Variants in HEXD observed in about 807,000 individuals in gnomAD.
HEXD encodes hexosaminidase D.
Under a neutral mutation model 54.2 loss-of-function variants are expected in HEXD, and 47 were observed. The observed-to-expected ratio is 0.87, with a 90% CI of 0.69 to 1.11. The LOEUF (loss-of-function observed/expected upper bound fraction) is 1.11, where lower values mean the gene tolerates loss of function less well. Among genes scored for constraint, HEXD ranks in the 50% least tolerant of loss-of-function variants. HEXD has a pLI of 0.00. For missense variants in HEXD, 576 were observed against 649.2 expected (o/e 0.89, Z 1.23); for synonymous variants, 293 against 287.6 (o/e 1.02, Z -0.19).
chr17:82,441,175 G>A lies in HEXD; in HGVS notation c.1072G>A (p.Gly358Ser), dbSNP rs780250433. Reference sequence around the variant, plus strand: ...CAGGGCTCTCCGCAGGGAGGGGGCCGGCTCCTTCCCTGGCAGCAACATCCT... The same window carrying A: ...CAGGGCTCTCCGCAGGGAGGGGGCCAGCTCCTTCCCTGGCAGCAACATCCT... ...EKTDPVREGAGSFPGSNILAL... is the reference protein window; with the variant it reads ...EKTDPVREGASSFPGSNILAL... Residue 358 changes from glycine (G) to serine (S), a missense_variant, in exon 11 of 13, where the codon GGC (glycine) becomes AGC (serine). Transcript: ENST00000327949. 17 of 1,613,092 alleles carry A rather than the reference G, an allele frequency of 1.1e-5. No individual in the cohort carries two copies. Among genetic ancestry groups the A allele is most frequent in the East Asian group, 4.5e-5 (2 of 44,896 alleles).
chr17:82,439,919 G>A, intron 9 of HEXD: 1 of 1,522,930 alleles, frequency 6.6e-7, no homozygotes, highest in Non-Finnish European at 8.8e-7. Context: ...CCAGGCCTAA[G>A]CCCAAAGCAG....
intron 6 of HEXD, 100 bp from the exon 7 acceptor site, chr17:82,436,567 T>C: frequency 1.1e-6 from 1 of 910,796 alleles, no homozygotes; most frequent in South Asian, 1.6e-5. Context: ...TAAAAAGGTA[T>C]CTGTGCTCAC....
At chr17:82,437,105 C>G in intron 7 of HEXD, 63 bp from the exon 8 acceptor site, 2 of 1,397,806 alleles carry the variant, frequency 1.4e-6, no homozygotes, top group South Asian at 2.7e-5. Flanking sequence ...CCCCGGGAGG[C>G]GTGTCCAGGG....
At chr17:82,433,563 A>G in intron 4 of HEXD, 95 bp from the exon 5 acceptor site, 2 of 1,298,712 alleles carry the variant, frequency 1.5e-6, no homozygotes, top group Non-Finnish European at 2.1e-6. Context: ...ATTTTTTTGT[A>G]TTATCTGTAG....
At chr17:82,429,461 G>A (rs55881915) in intron 4 of HEXD, among the ~76,000 whole-genome samples, 2,312 of 152,110 alleles carry the variant, frequency 0.015, 31 homozygotes, top group Middle Eastern at 0.051. Flanking sequence ...GCGTGCCACC[G>A]GAGTTCCTTC....
intron 2 of HEXD, among the ~76,000 whole-genome samples, chr17:82,420,774 G>A (rs1267910635): frequency 6.6e-6 from 1 of 152,094 alleles, no homozygotes; most frequent in African/African-American, 2.4e-5. Flanking sequence ...CACCACATTG[G>A]CCAGGCTGGT....
intron 9 of HEXD, 92 bp from the exon 10 acceptor site, chr17:82,440,905 A>G (rs1289108610): frequency 1.4e-6 from 2 of 1,430,166 alleles, no homozygotes; most frequent in East Asian, 4.6e-5. Flanking sequence ...CCGCCCGCCC[A>G]CTGCCCCAGT....
chr17:82,433,089 AAAATATATAT>A (rs1214676580), intron 4 of HEXD, among the ~76,000 whole-genome samples: 1 of 15,070 alleles, frequency 6.6e-5, no homozygotes, highest in Non-Finnish European at 9.4e-5. Flanking sequence ...AAAAAAAAAA[AAAATATATAT>A]ATATATATAT....
At chr17:82,421,061 G>A (rs2053221525) in intron 2 of HEXD, among the ~76,000 whole-genome samples, 1 of 152,264 alleles carries the variant, frequency 6.6e-6, no homozygotes, top group South Asian at 2.1e-4. Context: ...CTCCAACAGT[G>A]CTATGACCAG....
intron 2 of HEXD, among the ~76,000 whole-genome samples, chr17:82,422,362 C>G (rs190223265): frequency 6.6e-6 from 1 of 151,062 alleles, no homozygotes; most frequent in Non-Finnish European, 1.5e-5. Flanking sequence ...CCAGGCTCAG[C>G]GGCTCACAAC....
chr17:82,437,139 G>C (rs754576188), intron 7 of HEXD, 29 bp from the exon 8 acceptor site: 6 of 1,548,604 alleles, frequency 3.9e-6, no homozygotes, highest in Non-Finnish European at 5.3e-6. Context: ...CTCCCCTGGA[G>C]CCACTCACCT....
Position 82,437,268 on chromosome 17 carries a change from T to C in HEXD, c.804T>C (p.Val268=). The change falls in exon 8 of 13, where the codon GTT becomes GTC. Residue 268 remains valine, a synonymous_variant. Coordinates refer to ENST00000327949, the MANE Select transcript of HEXD (RefSeq NM_001330542.2). ...GGCCCAGCCAGGCCGTGCCCCCTGTTGAGCACCACCTCAGGAACCACGTGC... is the reference window on the plus strand; with the variant it reads ...GGCCCAGCCAGGCCGTGCCCCCTGTCGAGCACCACCTCAGGAACCACGTGC... ...ATGPSQAVPP[V]EHHLRNHVQW... is the part of the protein sequence containing the mutation. 1.9e-6 allele frequency: 3 copies of C among 1,612,384 alleles called. No homozygotes were observed. Among genetic ancestry groups the C allele is most frequent in the Non-Finnish European group, 2.5e-6 (3 of 1,179,588 alleles).
chr17:82,437,654 T>G (rs1448316287), intron 8 of HEXD, among the ~76,000 whole-genome samples: 2 of 151,998 alleles, frequency 1.3e-5, no homozygotes, highest in African/African-American at 2.4e-5. Flanking sequence ...TGTGTCTTGC[T>G]TGTGGCACGA....
At chr17:82,420,004 C>G (rs1460614871) in intron 2 of HEXD, 121 bp downstream of exon 2, 9 of 431,700 alleles carry the variant, frequency 2.1e-5, no homozygotes, top group Non-Finnish European at 2.9e-5. Context: ...CTCGGTGGAG[C>G]AAGATGGTGG....
At chr17:82,436,845 G>A (rs1310994816) in intron 7 of HEXD, 107 bp downstream of exon 7, 8 of 1,056,186 alleles carry the variant, frequency 7.6e-6, no homozygotes, top group Middle Eastern at 3.0e-4. Flanking sequence ...GAGCCTGCAC[G>A]GGTAGAGGCC....
intron 4 of HEXD, 91 bp downstream of exon 4, chr17:82,428,736 C>T (rs1361948621): frequency 1.6e-5 from 17 of 1,087,550 alleles, no homozygotes; most frequent in Non-Finnish European, 2.0e-5. Context: ...GTGGGTGCAG[C>T]GGGCCCATGG....
intron 7 of HEXD, 173 bp from the exon 8 acceptor site, chr17:82,436,995 C>A: frequency 1.5e-6 from 1 of 686,680 alleles, no homozygotes; most frequent in East Asian, 2.6e-5. Flanking sequence ...TGGAGTCTCC[C>A]CGACTGGGAC....
Position 82,442,148 on chromosome 17 carries a change from C to G in HEXD, c.1254-29C>G, listed in dbSNP as rs757450638. On this transcript the variant is annotated intron_variant, in intron 12 of 12. Transcript: ENST00000327949. The surrounding 1 kb of genome is among the most constrained non-coding windows in gnomAD (Gnocchi z 6.8). ...TGAGGGCAAGTCCCAAGTGTGCAGA[C>G]TGTGCGTTCATGGCGCCCTCACCTG... 6.3e-7 allele frequency: 1 copy of G among 1,583,728 alleles called. No homozygotes were observed. The highest frequency in any genetic ancestry group is 2.2e-5 in the East Asian group (1 of 44,518).
chr17:82,440,316 A>AGGGACG, intron 9 of HEXD: 1 of 1,256,540 alleles, frequency 8.0e-7, no homozygotes, highest in Non-Finnish European at 1.0e-6. Context: ...GCGGCGGCCC[A>AGGGACG]GGGACGGGGA....
Sources: allele counts gnomAD v4.1 joint callset (sites outside exome capture counted in the v4.1 genomes callset), GRCh38; gene constraint gnomAD v4.1.1; non-coding constraint Gnocchi (gnomAD v3.1); transcripts MANE v1.5; gene names NCBI Gene and HGNC (gene_info 2026-07-23, HGNC 2026-07-21).